The following CERT1 variants were observed in gnomAD, a reference collection of about 807,000 sequenced individuals.
The protein encoded by CERT1 is ceramide transporter 1, also known as ceramide transfer protein.
In CERT1, 31 loss-of-function variants were observed where a neutral mutation model predicts 87.9. That is an observed-to-expected ratio of 0.35 (90% CI 0.27 to 0.48). The LOEUF (loss-of-function observed/expected upper bound fraction) is 0.48, where lower values mean the gene tolerates loss of function less well. Among genes scored for constraint, CERT1 ranks in the 20% least tolerant of loss-of-function variants. The pLI is 0.99. For synonymous variants in CERT1, 289 were observed against 250.9 expected (o/e 1.15, Z -1.44); for missense variants, 487 against 758.0 (o/e 0.64, Z 4.20).
chr5:75,418,682 C>A (rs1054875404), intron 6 of CERT1, among the ~76,000 whole-genome samples: 1 of 151,938 alleles, frequency 6.6e-6, no homozygotes, highest in South Asian at 2.1e-4. Context: ...CTGATATATG[C>A]AACAATAATG....
At chr5:75,391,758 G>A (rs910407973) in intron 11 of CERT1, among the ~76,000 whole-genome samples, 1 of 152,182 alleles carries the variant, frequency 6.6e-6, no homozygotes, top group East Asian at 1.9e-4. Flanking sequence ...GTGATTAGGA[G>A]AAATGTTTAC....
chr5:75,406,902 C>A (rs73118896), intron 8 of CERT1, among the ~76,000 whole-genome samples: 1,827 of 152,112 alleles, frequency 0.012, 34 homozygotes, highest in African/African-American at 0.042. Context: ...TCTGAGGCTA[C>A]AGAAGTCAGA....
intron 3 of CERT1, among the ~76,000 whole-genome samples, chr5:75,456,597 C>T (rs1356232097): frequency 6.9e-6 from 1 of 145,708 alleles, no homozygotes; most frequent in Non-Finnish European, 1.5e-5. Context: ...TCGTTTGAAC[C>T]GAGGAGGCAG....
chr5:75,369,486 T>C (rs113433507), intron 17 of CERT1: 5 of 151,754 alleles, frequency 3.3e-5, no homozygotes, highest in African/African-American at 1.2e-4. Flanking sequence ...ATATTACACA[T>C]AGGCATTAAA....
intron 7 of CERT1, among the ~76,000 whole-genome samples, chr5:75,416,609 C>T (rs1046732990): frequency 1.3e-5 from 2 of 152,172 alleles, no homozygotes; most frequent in African/African-American, 2.4e-5. Context: ...CTCAACACTT[C>T]TATTCCAAAG....
At chr5:75,466,795 G>A (rs1765475469) in intron 2 of CERT1, among the ~76,000 whole-genome samples, 1 of 152,186 alleles carries the variant, frequency 6.6e-6, no homozygotes, top group African/African-American at 2.4e-5. Context: ...CTTTGTTGCT[G>A]TAGTCTAAGA....
chr5:75,377,252 T>C (rs965826923), downstream of CERT1: 1 of 152,220 alleles, frequency 6.6e-6, no homozygotes, highest in Non-Finnish European at 1.5e-5. Context: ...TTACACGTTG[T>C]ATGAAAAACT....
At chr5:75,461,303 G>A (rs572044855) in intron 2 of CERT1, among the ~76,000 whole-genome samples, 48 of 152,250 alleles carry the variant, frequency 3.2e-4, no homozygotes, top group South Asian at 3.1e-3. Context: ...ACCCTACAAC[G>A]AACTGTGTAT....
chr5:75,498,378 C>A (rs1004288110), intron 2 of CERT1, among the ~76,000 whole-genome samples: 2 of 152,198 alleles, frequency 1.3e-5, no homozygotes, highest in African/African-American at 4.8e-5. Context: ...ACCTTCATGG[C>A]AGCCCCTCCC....
At chr5:75,418,105 G>A (rs1763219323) in intron 6 of CERT1, among the ~76,000 whole-genome samples, 1 of 152,194 alleles carries the variant, frequency 6.6e-6, no homozygotes, top group African/African-American at 2.4e-5. Context: ...GCGGTGAGCT[G>A]AGATCACCAC....
intron 11 of CERT1, among the ~76,000 whole-genome samples, chr5:75,398,441 T>C (rs913975637): frequency 1.3e-5 from 2 of 152,150 alleles, no homozygotes; most frequent in East Asian, 1.9e-4. Flanking sequence ...ACAAAAAAGT[T>C]AGAAAACTTA....
intron 8 of CERT1, among the ~76,000 whole-genome samples, chr5:75,407,554 C>T (rs891249742): frequency 4.2e-5 from 6 of 141,300 alleles, no homozygotes; most frequent in Non-Finnish European, 7.8e-5. Context: ...ACAAAAAAAA[C>T]GAATAAGAAA....
At chr5:75,455,876 TG>T (rs1019735443) in intron 3 of CERT1, among the ~76,000 whole-genome samples, 3 of 152,180 alleles carry the variant, frequency 2.0e-5, no homozygotes. Context: ...AATCTAAACC[TG>T]TTTCCTCTTC....
chr5:75,488,321 C>T (rs757180194), intron 2 of CERT1, among the ~76,000 whole-genome samples: 7 of 151,952 alleles, frequency 4.6e-5, no homozygotes, highest in Non-Finnish European at 8.8e-5. Flanking sequence ...TTAATACCTA[C>T]TATGTACTCA....
chr5:75,451,199 G>A (rs1232554234), intron 3 of CERT1, among the ~76,000 whole-genome samples: 1 of 152,080 alleles, frequency 6.6e-6, no homozygotes, highest in African/African-American at 2.4e-5. Context: ...TTTACTAACC[G>A]TGTATGGATT....
At position 75,385,866 on chromosome 5, in the gene CERT1, A is replaced by G. The variant is rs769792172; in HGVS notation, c.1417+36T>C. On this transcript the variant is annotated intron_variant, in intron 13 of 16. Transcript: ENST00000643780. ...GGTTGGATTTGATATTAAATTCAAAATAATAGATTAAAATATATTAATAAT... is the reference window on the plus strand; with the variant it reads ...GGTTGGATTTGATATTAAATTCAAAGTAATAGATTAAAATATATTAATAAT... 206 of 1,365,674 alleles carry G rather than the reference A, an allele frequency of 1.5e-4. 1 individual carries two copies. The highest frequency in any genetic ancestry group is 7.9e-4 in the Middle Eastern group (4 of 5,094). The allele number at this position is 1,365,674 out of a possible 1,614,324, so 84.6% of individuals were successfully genotyped here. A position where few individuals can be genotyped will look rare whatever the true frequency, so the allele number is the denominator to read the frequency against.
Position 75,503,189 on chromosome 5 carries a change from T to C in CERT1, c.231+2793A>G, listed in dbSNP as rs185570842. ...ATTAGGCTCTATCAAGAAATGTGGG[T>C]TCAGATGCTAGGTCCACCAACAAAT... On this transcript the variant is annotated intron_variant, in intron 2 of 16. Coordinates refer to ENST00000643780, the MANE Select transcript of CERT1 (RefSeq NM_001379029.1). 2.1e-3 allele frequency among the ~76,000 whole-genome samples: 315 copies of C among 152,086 alleles called. No homozygotes were observed. The East Asian group carries it at 0.027, about 13-fold the overall frequency.
At position 75,399,343 on chromosome 5, in the gene CERT1, A is replaced by T; in HGVS notation, c.1155T>A (p.Ser385Arg). 6.2e-7 allele frequency: 1 copy of T among 1,613,816 alleles called. No individual in the cohort carries two copies. Among genetic ancestry groups the T allele is most frequent in the Non-Finnish European group, 8.5e-7 (1 of 1,179,710 alleles). ...SSSMSSIDLVSASDDVHRFSS... is the reference protein window; with the variant it reads ...SSSMSSIDLVRASDDVHRFSS... ...TGAATCTGTGAACATCATCAGAGGC[A>T]CTGACTAGATCAATGGAAGACATGG... Residue 385 changes from serine (S) to arginine (R), a missense_variant, in exon 11 of 17, where the codon AGT becomes AGA. By Grantham distance (110) the Ser-to-Arg change is moderately radical. Coordinates refer to ENST00000643780, the MANE Select transcript of CERT1 (RefSeq NM_001379029.1).
At chr5:75,445,692 C>T (rs113934456) in intron 3 of CERT1, among the ~76,000 whole-genome samples, 70 of 152,174 alleles carry the variant, frequency 4.6e-4, no homozygotes, top group African/African-American at 8.9e-4. Context: ...TGAGGTCTTG[C>T]GATGTTGCTA....
Sources: gnomAD v4.1 joint callset for allele counts (sites outside exome capture counted in the v4.1 genomes callset) on GRCh38, gnomAD v4.1.1 for gene constraint, MANE v1.5 for transcripts, NCBI Gene and HGNC (gene_info 2026-07-23, HGNC 2026-07-21) for gene names.